Variants in NBEA observed in about 807,000 individuals in gnomAD.
NBEA encodes lysosomal-trafficking regulator 2.
Under a neutral mutation model 343.4 loss-of-function variants are expected in NBEA, and 44 were observed. That is an observed-to-expected ratio of 0.13 (90% CI 0.10 to 0.16). The LOEUF (loss-of-function observed/expected upper bound fraction) is 0.16. Ranked by LOEUF, NBEA falls within the 10% of genes least tolerant of loss-of-function variation. The probability of loss-of-function intolerance (pLI) is 1.00; values close to 1 mark genes in which losing one functional copy is unlikely to be tolerated. For synonymous variants in NBEA, 1,175 were observed against 1,238.7 expected, an observed-to-expected ratio of 0.95 and a Z score of 1.08; for missense variants, 2,555 against 3,631.3, an observed-to-expected ratio of 0.70 and a Z score of 7.62.
intron 55 of NBEA, among the ~76,000 whole-genome samples, chr13:35,662,770 A>T (rs1216573652): frequency 6.6e-6 from 1 of 151,896 alleles, no homozygotes; most frequent in Admixed American, 6.6e-5. Context: ...ATTTTTATAC[A>T]TTTTTTTTCT....
At chr13:35,146,738 C>T (rs2068451380) in intron 18 of NBEA, among the ~76,000 whole-genome samples, 1 of 152,156 alleles carries the variant, frequency 6.6e-6, no homozygotes, top group African/African-American at 2.4e-5. Context: ...TTGCAGGATG[C>T]TGCTTATAGT....
chr13:35,155,646 T>C, intron 18 of NBEA, 128 bp from the exon 19 acceptor site: 1 of 677,478 alleles, frequency 1.5e-6, no homozygotes, highest in Non-Finnish European at 2.5e-6. Context: ...AAAAAGTCCC[T>C]TTAGAAGAGA....
intron 41 of NBEA, among the ~76,000 whole-genome samples, chr13:35,534,156 A>G (rs755853734): frequency 1.3e-5 from 2 of 152,146 alleles, no homozygotes; most frequent in East Asian, 1.9e-4. Context: ...TTTCTTTTTC[A>G]TAATACTCGT....
chr13:35,039,267 G>GT (rs61312834), intron 1 of NBEA, among the ~76,000 whole-genome samples: 151,962 of 152,252 alleles, frequency 1, 75,838 homozygotes, highest in Middle Eastern at 1. Context: ...ACTCAGAACT[G>GT]TTTTCTATCT....
chr13:35,121,079 C>A (rs924047019), intron 16 of NBEA, among the ~76,000 whole-genome samples: 10 of 151,896 alleles, frequency 6.6e-5, no homozygotes, highest in Admixed American at 3.3e-4. Flanking sequence ...TTGAGTGTAG[C>A]CACATTTTTA....
At chr13:35,283,214 T>C (rs939536823) in intron 34 of NBEA, among the ~76,000 whole-genome samples, 6 of 151,996 alleles carry the variant, frequency 3.9e-5, no homozygotes, top group Non-Finnish European at 5.9e-5. Flanking sequence ...GAAGCAAAAC[T>C]ATAAAAAAGA....
chr13:35,316,174 A>G (rs1346231410), intron 36 of NBEA, among the ~76,000 whole-genome samples: 1 of 152,094 alleles, frequency 6.6e-6, no homozygotes, highest in African/African-American at 2.4e-5. Context: ...TTTGTTACAT[A>G]GGTATACACG....
intron 33 of NBEA, among the ~76,000 whole-genome samples, chr13:35,215,717 T>A (rs2074031057): frequency 6.6e-6 from 1 of 151,718 alleles, no homozygotes; most frequent in Non-Finnish European, 1.5e-5. Context: ...TTCTGTAGTT[T>A]CCTTATTATT....
rs1237160960 is a variant in NBEA, at chr13:35,085,210, G to A, written c.1572-13087G>A. Among the ~76,000 whole-genome samples, 9 of 151,984 alleles carry A rather than the reference G, an allele frequency of 5.9e-5. No homozygotes were observed. The East Asian group carries it at 1.7e-3, about 29-fold the overall frequency. On this transcript the variant is annotated intron_variant, in intron 10 of 58. Coordinates refer to ENST00000379939, the MANE Select transcript of NBEA (RefSeq NM_001385012.1). Reference sequence around the variant, plus strand: ...ACTATTCCAATCAATAGAAAAAGAGGGAATCCTCCCTAACTCATTTTATGA... The same window carrying A: ...ACTATTCCAATCAATAGAAAAAGAGAGAATCCTCCCTAACTCATTTTATGA...
intron 34 of NBEA, among the ~76,000 whole-genome samples, chr13:35,269,700 G>A (rs1229891631): frequency 6.6e-6 from 1 of 152,158 alleles, no homozygotes; most frequent in Non-Finnish European, 1.5e-5. Flanking sequence ...GAAAATTGGT[G>A]GAGGTTTGTG....
At chr13:35,304,331 C>CTCTGTG (rs1555360196) in intron 35 of NBEA, among the ~76,000 whole-genome samples, 64 of 148,994 alleles carry the variant, frequency 4.3e-4, no homozygotes, top group East Asian at 1.2e-3. Flanking sequence ...AAGCAATTCT[C>CTCTGTG]TGTGTGTGTG....
At chr13:35,122,391 T>TA (rs1259622574) in intron 16 of NBEA, among the ~76,000 whole-genome samples, 3 of 151,942 alleles carry the variant, frequency 2.0e-5, no homozygotes, top group African/African-American at 4.8e-5. Flanking sequence ...TATGCAGCCA[T>TA]AAAAAATGAT....
At chr13:35,074,565 G>T (rs993063377) in intron 10 of NBEA, among the ~76,000 whole-genome samples, 1 of 152,028 alleles carries the variant, frequency 6.6e-6, no homozygotes, top group Admixed American at 6.6e-5. Context: ...GACAAATTTG[G>T]GCTCAAATCC....
chr13:35,558,823 A>G (rs1367736486), intron 44 of NBEA, among the ~76,000 whole-genome samples: 3 of 152,228 alleles, frequency 2.0e-5, no homozygotes. Context: ...AGAAGAAAGT[A>G]CAGGATTAAG....
At chr13:35,103,116 G>A (rs1477057048) in intron 11 of NBEA, among the ~76,000 whole-genome samples, 1 of 151,720 alleles carries the variant, frequency 6.6e-6, no homozygotes, top group South Asian at 2.1e-4. Flanking sequence ...TGTAGTACTT[G>A]AGATGATTAA....
intron 48 of NBEA, among the ~76,000 whole-genome samples, chr13:35,610,488 C>G (rs2153054214): frequency 6.9e-6 from 1 of 145,112 alleles, no homozygotes; most frequent in Middle Eastern, 3.5e-3. Context: ...AGTTGGATAT[C>G]TATATCCAAA....
intron 1 of NBEA, among the ~76,000 whole-genome samples, chr13:34,955,113 T>C (rs1031125114): frequency 6.6e-6 from 1 of 152,160 alleles, no homozygotes; most frequent in African/African-American, 2.4e-5. Flanking sequence ...AACACCCAGA[T>C]TCCCTGACCC....
chr13:34,957,348 C>G (rs1016303683), intron 1 of NBEA, among the ~76,000 whole-genome samples: 2 of 152,102 alleles, frequency 1.3e-5, no homozygotes, highest in African/African-American at 2.4e-5. Context: ...CAGGCCAAGC[C>G]AGAATTCTGG....
chr13:35,128,699 C>T (rs1264824761), intron 17 of NBEA, among the ~76,000 whole-genome samples: 1 of 152,086 alleles, frequency 6.6e-6, no homozygotes, highest in Non-Finnish European at 1.5e-5. Flanking sequence ...AAAATAGCAA[C>T]TCATCTAAAG....
Sources: gnomAD v4.1 joint callset for allele counts (sites outside exome capture counted in the v4.1 genomes callset) on GRCh38, gnomAD v4.1.1 for gene constraint, MANE v1.5 for transcripts, NCBI Gene and HGNC (gene_info 2026-07-23, HGNC 2026-07-21) for gene names.